SVOPL: variants seen among roughly 807,000 people sequenced by gnomAD.
The protein encoded by SVOPL is putative transporter SVOPL.
A neutral mutation model predicts 61.0 loss-of-function variants in SVOPL; 60 were observed. The observed-to-expected ratio is 0.98, with a 90% CI of 0.80 to 1.22. SVOPL has a LOEUF of 1.22. SVOPL is among the 50% of genes most tolerant of loss of function. SVOPL has a pLI of 0.00. For missense variants in SVOPL, 662 were observed against 643.9 expected (o/e 1.03, Z -0.30); for synonymous variants, 279 against 250.0 (o/e 1.12, Z -1.09).
chr7:138,651,908 TTTC>T (rs1446102494), intron 7 of SVOPL, among the ~76,000 whole-genome samples: 1 of 152,176 alleles, frequency 6.6e-6, no homozygotes, highest in Non-Finnish European at 1.5e-5. Flanking sequence ...CGCATCTTTC[TTTC>T]TTTACCGAGA....
chr7:138,667,902 C>T (rs1260065628), intron 4 of SVOPL, among the ~76,000 whole-genome samples: 1 of 152,170 alleles, frequency 6.6e-6, no homozygotes, highest in African/African-American at 2.4e-5. Flanking sequence ...TGATAACCGC[C>T]CTTTCCCAAA....
chr7:138,615,870 T>C (rs200812159), intron 14 of SVOPL, among the ~76,000 whole-genome samples: 10 of 93,650 alleles, frequency 1.1e-4, no homozygotes, highest in Non-Finnish European at 2.4e-4. Flanking sequence ...AAAACAAAAA[T>C]AAAAGACCAG....
chr7:138,666,239 A>G (rs1802257382), intron 4 of SVOPL, among the ~76,000 whole-genome samples: 1 of 152,208 alleles, frequency 6.6e-6, no homozygotes, highest in African/African-American at 2.4e-5. Context: ...AGGAATTCCC[A>G]GATTGCAATC....
intron 15 of SVOPL, among the ~76,000 whole-genome samples, chr7:138,595,321 G>A (rs1798235356): frequency 6.6e-6 from 1 of 151,586 alleles, no homozygotes; most frequent in Non-Finnish European, 1.5e-5. Flanking sequence ...TGAAGTAGGG[G>A]GAGTGGGTGT....
At chr7:138,616,974 A>G (rs1377003516) in intron 14 of SVOPL, among the ~76,000 whole-genome samples, 2 of 151,800 alleles carry the variant, frequency 1.3e-5, no homozygotes, top group African/African-American at 4.8e-5. Context: ...TAATTAATTT[A>G]TTTATTTATT....
At chr7:138,622,074 C>G (rs868406833) in intron 13 of SVOPL, among the ~76,000 whole-genome samples, 63 of 24,614 alleles carry the variant, frequency 2.6e-3, no homozygotes, top group African/African-American at 9.4e-3. Flanking sequence ...ATCTATGTAT[C>G]TATCTATCTA....
At chr7:138,597,034 G>A (rs1042364180) in intron 14 of SVOPL, 2 of 1,156,382 alleles carry the variant, frequency 1.7e-6, no homozygotes, top group African/African-American at 3.2e-5. Context: ...TTATGGAGTT[G>A]TGTGACACCA....
At chr7:138,623,590 ACT>A (rs1799768642) in intron 13 of SVOPL, among the ~76,000 whole-genome samples, 2 of 151,986 alleles carry the variant, frequency 1.3e-5, no homozygotes, top group Non-Finnish European at 2.9e-5. Context: ...ACAGAACAAG[ACT>A]CTGTCTCAAA....
intron 6 of SVOPL, among the ~76,000 whole-genome samples, chr7:138,657,345 G>T (rs1801796991): frequency 6.6e-6 from 1 of 152,004 alleles, no homozygotes; most frequent in Non-Finnish European, 1.5e-5. Context: ...TTGTAGAGAT[G>T]GGACCTTGCT....
intron 1 of SVOPL, among the ~76,000 whole-genome samples, chr7:138,694,154 T>G (rs1228868067): frequency 6.6e-6 from 1 of 152,262 alleles, no homozygotes; most frequent in African/African-American, 2.4e-5. Flanking sequence ...AATTCTTGAC[T>G]GAGCAGTTTC....
rs1318449667 is a variant in SVOPL at position 138,644,631 on chromosome 7, T to TC, written c.789+85dup. 9.8e-6 allele frequency: 15 copies of TC among 1,531,416 alleles called. 1 individual carries two copies. Among genetic ancestry groups the TC allele is most frequent in the South Asian group, 3.7e-5 (3 of 80,272 alleles). The allele number at this position is 1,531,416 out of a possible 1,614,324, so 94.9% of individuals were successfully genotyped here. A position where few individuals can be genotyped will look rare whatever the true frequency, so the allele number is the denominator to read the frequency against. ...CTCAGACAGGACTAGAGAACAAGGG[T>TC]CCCCCCTCCCTCCAGCCTTCCACAA... On this transcript the variant is annotated intron_variant, in intron 9 of 15. Coordinates refer to ENST00000674285, the MANE Select transcript of SVOPL (RefSeq NM_001139456.2).
At chr7:138,619,815 A>G (rs528383328) in intron 14 of SVOPL, among the ~76,000 whole-genome samples, 2 of 152,230 alleles carry the variant, frequency 1.3e-5, no homozygotes, top group South Asian at 4.2e-4. Flanking sequence ...GGGGGTCTCT[A>G]TCTCGGGATT....
At chr7:138,683,454 G>A (rs554730401) in intron 1 of SVOPL, among the ~76,000 whole-genome samples, 5 of 152,050 alleles carry the variant, frequency 3.3e-5, no homozygotes, top group Admixed American at 2.6e-4. Flanking sequence ...TGCAACCTCT[G>A]CCCCCCGGGT....
At chr7:138,655,939 G>GTTC (rs1224360431) in intron 7 of SVOPL, among the ~76,000 whole-genome samples, 1 of 152,118 alleles carries the variant, frequency 6.6e-6, no homozygotes, top group Admixed American at 6.5e-5. Flanking sequence ...TTTGAAAGAG[G>GTTC]TTCTCTACTG....
intron 3 of SVOPL, among the ~76,000 whole-genome samples, chr7:138,677,228 A>G (rs1305810343): frequency 1.3e-5 from 2 of 150,992 alleles, no homozygotes; most frequent in African/African-American, 4.9e-5. Flanking sequence ...TTATCCCTAC[A>G]CCCCCTGGAC....
chr7:138,664,174 CACCCT>C, intron 4 of SVOPL: 1 of 964,456 alleles, frequency 1.0e-6, no homozygotes, highest in Non-Finnish European at 1.2e-6. Context: ...CCTTCTTGTG[CACCCT>C]ACCCTGCCCT....
chr7:138,606,444 A>G lies in SVOPL; in HGVS notation c.1354-9914T>C, dbSNP rs140555138. Among the ~76,000 whole-genome samples, 401 of 152,260 alleles carry G rather than the reference A, an allele frequency of 2.6e-3. 1 individual carries two copies. The highest frequency in any genetic ancestry group is 9.3e-3 in the African/African-American group (387 of 41,552). On this transcript the variant is annotated intron_variant, in intron 14 of 15. Transcript: ENST00000674285. ...CCCTTATCTGCGTAGTTACTTGTGTAACTGCCCTTATCTGTGCAGCTGTGG... is the reference window on the plus strand; with the variant it reads ...CCCTTATCTGCGTAGTTACTTGTGTGACTGCCCTTATCTGTGCAGCTGTGG...
At chr7:138,612,508 A>ATT (rs71178002) in intron 14 of SVOPL, among the ~76,000 whole-genome samples, 9 of 70,822 alleles carry the variant, frequency 1.3e-4, no homozygotes, top group Admixed American at 6.3e-4. Context: ...GCCAGACTTA[A>ATT]TTTTTTTTTT....
intron 3 of SVOPL, among the ~76,000 whole-genome samples, chr7:138,672,393 A>C (rs1415859153): frequency 6.6e-6 from 1 of 152,174 alleles, no homozygotes; most frequent in African/African-American, 2.4e-5. Context: ...ATGCAGTTGC[A>C]TGGTAGCACT....
Sources: gnomAD v4.1 joint callset for allele counts (sites outside exome capture counted in the v4.1 genomes callset) on GRCh38, gnomAD v4.1.1 for gene constraint, MANE v1.5 for transcripts, NCBI Gene and HGNC (gene_info 2026-07-23, HGNC 2026-07-21) for gene names.